Variants in FHIP1A observed in about 807,000 individuals in gnomAD.
FHIP1A encodes the protein FHF complex subunit HOOK interacting protein 1A.
Under a neutral mutation model 88.6 loss-of-function variants are expected in FHIP1A, and 61 were observed. The ratio of observed to expected loss-of-function variants is 0.69; its 90% CI spans 0.56 to 0.85. The LOEUF (loss-of-function observed/expected upper bound fraction) is 0.85. FHIP1A is among the 40% of genes least tolerant of loss of function. The pLI, the probability that FHIP1A is intolerant of heterozygous loss-of-function variation, is 0.00. For synonymous variants in FHIP1A, 478 were observed against 496.0 expected (o/e 0.96, Z 0.48); for missense variants, 1,154 against 1,273.5 (o/e 0.91, Z 1.43).
intron 3 of FHIP1A, among the ~76,000 whole-genome samples, chr4:151,547,510 T>A (rs1039825649): frequency 6.6e-6 from 1 of 152,174 alleles, no homozygotes; most frequent in Non-Finnish European, 1.5e-5. Flanking sequence ...TACCATTTTT[T>A]AAAATATGTG....
chr4:151,525,581 T>C (rs1731599035), intron 3 of FHIP1A, among the ~76,000 whole-genome samples: 1 of 152,242 alleles, frequency 6.6e-6, no homozygotes, highest in Non-Finnish European at 1.5e-5. Flanking sequence ...CCCAGATTTC[T>C]AAAGAGGTGT....
chr4:151,416,664 A>T (rs1294336351), intron 1 of FHIP1A, among the ~76,000 whole-genome samples: 1 of 152,024 alleles, frequency 6.6e-6, no homozygotes, highest in Non-Finnish European at 1.5e-5. Flanking sequence ...ATGTTTCTTG[A>T]TTTTCTTGGT....
At chr4:151,609,947 TTAAAA>T (rs1363954974) in intron 7 of FHIP1A, among the ~76,000 whole-genome samples, 2 of 152,112 alleles carry the variant, frequency 1.3e-5, no homozygotes, top group African/African-American at 2.4e-5. Flanking sequence ...GTAAGTAAAC[TTAAAA>T]TAGAGAGCAA....
At chr4:151,440,196 T>TG (rs1179347609) in intron 1 of FHIP1A, among the ~76,000 whole-genome samples, 2 of 152,014 alleles carry the variant, frequency 1.3e-5, no homozygotes, top group Non-Finnish European at 2.9e-5. Context: ...GAGAACAGAA[T>TG]GGGGGGGAAC....
chr4:151,486,096 G>T (rs1730072796), intron 3 of FHIP1A, among the ~76,000 whole-genome samples: 1 of 152,114 alleles, frequency 6.6e-6, no homozygotes, highest in South Asian at 2.1e-4. Flanking sequence ...TCACGATAAG[G>T]TTTGCGCTTC....
chr4:151,602,813 A>G (rs1227755921), intron 7 of FHIP1A, among the ~76,000 whole-genome samples: 1 of 152,122 alleles, frequency 6.6e-6, no homozygotes, highest in Non-Finnish European at 1.5e-5. Context: ...ACAGAAGAAA[A>G]CAGGCAGGGG....
chr4:151,471,545 G>A (rs1354874480), intron 2 of FHIP1A, among the ~76,000 whole-genome samples: 1 of 151,836 alleles, frequency 6.6e-6, no homozygotes, highest in Non-Finnish European at 1.5e-5. Flanking sequence ...TTAATCTAAG[G>A]TCTTTTTAGA....
chr4:151,540,524 CTCAT>C (rs1240254683), intron 3 of FHIP1A, among the ~76,000 whole-genome samples: 4 of 152,046 alleles, frequency 2.6e-5, no homozygotes, highest in African/African-American at 9.7e-5. Flanking sequence ...TGAAAAATTT[CTCAT>C]TAAGTGGTGC....
chr4:151,627,762 G>A (rs954703225), intron 7 of FHIP1A, among the ~76,000 whole-genome samples: 4 of 152,118 alleles, frequency 2.6e-5, no homozygotes, highest in Non-Finnish European at 5.9e-5. Flanking sequence ...TCTACTTTCT[G>A]GGACCTTCAG....
rs1736949523 is a variant in FHIP1A, at chr4:151,649,910, T to C, written c.1869T>C (p.Asn623=). Residue 623 remains asparagine, a synonymous_variant, in exon 11 of 14, where the codon AAT becomes AAC. Transcript: ENST00000435205. The part of the protein sequence containing the change: ...PPKHIQEMKK[N]ALLLFKGSYI... ...AACACATCCAGGAGATGAAGAAGAA[T>C]GCCCTCCTGCTCTTCAAAGGGTCCT... The C allele has an allele frequency of 6.4e-7, 1 of 1,551,332 alleles. No individual in the cohort carries two copies.
At chr4:151,652,582 T>C (rs1369745493) in intron 11 of FHIP1A, among the ~76,000 whole-genome samples, 1 of 152,188 alleles carries the variant, frequency 6.6e-6, no homozygotes, top group Non-Finnish European at 1.5e-5. Flanking sequence ...ATTCACAGAC[T>C]TTTAGAGGAG....
intron 3 of FHIP1A, among the ~76,000 whole-genome samples, chr4:151,549,600 C>T (rs1011309573): frequency 6.6e-6 from 1 of 151,942 alleles, no homozygotes; most frequent in Non-Finnish European, 1.5e-5. Context: ...AATAATCCAC[C>T]TTTTGTTTAG....
At chr4:151,652,254 C>T (rs963765976) in intron 11 of FHIP1A, among the ~76,000 whole-genome samples, 2 of 152,154 alleles carry the variant, frequency 1.3e-5, no homozygotes, top group Non-Finnish European at 2.9e-5. Flanking sequence ...ATACTACAAG[C>T]TCTTTGATAC....
chr4:151,649,385 A>C (rs1736912550), intron 10 of FHIP1A, 74 bp from the exon 11 acceptor site: 1 of 1,079,620 alleles, frequency 9.3e-7, no homozygotes, highest in Non-Finnish European at 1.3e-6. Flanking sequence ...CTTAGCCCGA[A>C]TGGGTCACAA....
chr4:151,669,184 G>GT lies in FHIP1A; in HGVS notation c.*6430_*6431insT, dbSNP rs1737772446. Among the ~76,000 whole-genome samples, 2 of 152,138 alleles carry GT rather than the reference G, an allele frequency of 1.3e-5. No individual in the cohort carries two copies. Among genetic ancestry groups the GT allele is most frequent in the African/African-American group, 4.8e-5 (2 of 41,428 alleles). ...GGGTTTCAGTCAGAGCCATGCTTTG[G>GT]GTTTTTCCTAGCAGCAGTGATGATA... On this transcript the variant is annotated 3_prime_UTR_variant, in exon 14 of 14. Transcript: ENST00000435205.
At chr4:151,616,894 C>T (rs530017218) in intron 7 of FHIP1A, among the ~76,000 whole-genome samples, 42 of 152,036 alleles carry the variant, frequency 2.8e-4, no homozygotes, top group Admixed American at 1.1e-3. Context: ...ACTATAGACA[C>T]GGGCCACCAC....
intron 9 of FHIP1A, among the ~76,000 whole-genome samples, 172 bp downstream of exon 9, chr4:151,638,928 A>G (rs1470180153): frequency 6.6e-6 from 1 of 152,148 alleles, no homozygotes; most frequent in East Asian, 1.9e-4. Context: ...TATTTTTTGC[A>G]TTGTTTCCCA....
At chr4:151,492,064 A>G (rs1730301844) in intron 3 of FHIP1A, among the ~76,000 whole-genome samples, 1 of 152,242 alleles carries the variant, frequency 6.6e-6, no homozygotes, top group Non-Finnish European at 1.5e-5. Context: ...GAGGGACTTC[A>G]GTACTCCACT....
At chr4:151,613,460 C>T (rs1735400398) in intron 7 of FHIP1A, among the ~76,000 whole-genome samples, 1 of 152,222 alleles carries the variant, frequency 6.6e-6, no homozygotes, top group Non-Finnish European at 1.5e-5. Context: ...AGGCCGAGGG[C>T]TGTCATCACT....
Sources: gnomAD v4.1 joint callset for allele counts (sites outside exome capture counted in the v4.1 genomes callset) on GRCh38, gnomAD v4.1.1 for gene constraint, MANE v1.5 for transcripts, NCBI Gene and HGNC (gene_info 2026-07-23, HGNC 2026-07-21) for gene names.